INPP5A: variants seen among roughly 807,000 people sequenced by gnomAD.
The protein encoded by INPP5A is inositol polyphosphate-5-phosphatase A.
A neutral mutation model predicts 65.2 loss-of-function variants in INPP5A; 14 were observed. That is an observed-to-expected ratio of 0.21 (90% confidence interval 0.14 to 0.34). INPP5A has a LOEUF of 0.34. INPP5A is among the 10% of genes least tolerant of loss of function. The pLI, the probability that INPP5A is intolerant of heterozygous loss-of-function variation, is 1.00. For synonymous variants in INPP5A, 207 were observed against 208.3 expected (o/e 0.99, Z 0.05); for missense variants, 431 against 545.6 (o/e 0.79, Z 2.09).
chr10:132,621,861 C>A (rs1392731841), intron 2 of INPP5A, among the ~76,000 whole-genome samples: 1 of 151,574 alleles, frequency 6.6e-6, no homozygotes, highest in Non-Finnish European at 1.5e-5. Context: ...TCACGCAATT[C>A]CTAGCTTAAC....
chr10:132,726,875 C>T lies in INPP5A; in HGVS notation c.702C>T (p.Asn234=), dbSNP rs1212888323. ...KVSYFVFGDF[N]FRLDSKSVVE... ...CCTACTTTGTATTTGGTGATTTCAA[C>T]TTCCGGCTGGATTCCAAGTCCGTCG... is the stretch of plus-strand genomic sequence containing the variant. Residue 234 remains asparagine (N), a synonymous_variant, in exon 9 of 16, where the codon AAC becomes AAT. Coordinates refer to ENST00000368594, the MANE Select transcript of INPP5A (RefSeq NM_005539.5). 4 of 1,610,528 alleles carry T rather than the reference C, an allele frequency of 2.5e-6. No homozygotes were observed. The highest frequency in any genetic ancestry group is 3.4e-6 in the Non-Finnish European group (4 of 1,177,302).
chr10:132,619,399 G>A (rs748129226), intron 2 of INPP5A, among the ~76,000 whole-genome samples: 1 of 152,224 alleles, frequency 6.6e-6, no homozygotes, highest in Non-Finnish European at 1.5e-5. Context: ...GCCTTGACCA[G>A]CTCTGCCCCT....
chr10:132,713,035 CGTGT>C (rs751233772), intron 8 of INPP5A, among the ~76,000 whole-genome samples: 15 of 148,052 alleles, frequency 1.0e-4, no homozygotes, highest in African/African-American at 2.3e-4. Context: ...TGTATGTGTG[CGTGT>C]GTGTGGGTGT....
At chr10:132,747,426 T>C (rs1846390186) in intron 9 of INPP5A, among the ~76,000 whole-genome samples, 1 of 152,284 alleles carries the variant, frequency 6.6e-6, no homozygotes, top group Non-Finnish European at 1.5e-5. Flanking sequence ...GGCCGCCTCC[T>C]GGCCCAGGCT....
rs568844809 is a variant in INPP5A, at chr10:132,571,698, T to C, written c.75+33527T>C. ...GGCAGACCTGTCATCCCCGCAGCCC[T>C]GACGTGCGTGCTGTAAGGACCTCGA... On this transcript the variant is annotated intron_variant, in intron 1 of 15. Coordinates refer to ENST00000368594, the MANE Select transcript of INPP5A (RefSeq NM_005539.5). Among the ~76,000 whole-genome samples the C allele has an allele frequency of 5.9e-5, 9 of 152,376 alleles. No individual in the cohort carries two copies. In the South Asian group the frequency reaches 1.9e-3, roughly 32 times the overall value.
intron 1 of INPP5A, among the ~76,000 whole-genome samples, chr10:132,561,182 C>T (rs988741081): frequency 6.6e-5 from 10 of 151,744 alleles, no homozygotes; most frequent in African/African-American, 2.2e-4. Context: ...CCCACCCCAG[C>T]CTCTGGAATA....
At chr10:132,686,192 C>T (rs1391959331) in intron 4 of INPP5A, among the ~76,000 whole-genome samples, 1 of 152,190 alleles carries the variant, frequency 6.6e-6, no homozygotes, top group Admixed American at 6.5e-5. Flanking sequence ...CTTTTCGGTG[C>T]CCCAGGGGCT....
Position 132,732,859 on chromosome 10 carries a change from C to T in INPP5A, c.732+5954C>T, listed in dbSNP as rs530712475. Among the ~76,000 whole-genome samples the T allele has an allele frequency of 3.9e-5, 6 of 152,256 alleles. No individual in the cohort carries two copies. The South Asian group carries it at 1.0e-3, about 26-fold the overall frequency. On this transcript the variant is annotated intron_variant, in intron 9 of 15. Transcript: ENST00000368594. ...TGCTCATCTGTTGACGTGGAATGTG[C>T]GTGCCAGGTGGATCCCTCCCGCGCA... is the stretch of plus-strand genomic sequence containing the variant.
intron 12 of INPP5A, 23 bp from the exon 13 acceptor site, chr10:132,777,648 C>G (rs754435001): frequency 4.4e-6 from 7 of 1,607,108 alleles, no homozygotes; most frequent in Non-Finnish European, 1.7e-6. Context: ...GCCGGCTGAC[C>G]CTCTGCCTTC....
At chr10:132,742,721 C>T (rs1846296853) in intron 9 of INPP5A, among the ~76,000 whole-genome samples, 1 of 152,246 alleles carries the variant, frequency 6.6e-6, no homozygotes, top group Non-Finnish European at 1.5e-5. Context: ...CCGATGCTTC[C>T]TTCCCGGGGT....
At chr10:132,628,717 C>T (rs2072227052) in intron 2 of INPP5A, among the ~76,000 whole-genome samples, 1 of 152,130 alleles carries the variant, frequency 6.6e-6, no homozygotes, top group Admixed American at 6.5e-5. Context: ...TTATAAAGAA[C>T]TCTTATAAAT....
intron 2 of INPP5A, among the ~76,000 whole-genome samples, chr10:132,626,695 T>G (rs184327595): frequency 3.8e-4 from 58 of 152,340 alleles, no homozygotes; most frequent in African/African-American, 1.4e-3. Context: ...TTAGATTCTT[T>G]ACAGACAGAT....
intron 9 of INPP5A, among the ~76,000 whole-genome samples, chr10:132,746,173 C>G (rs1408749318): frequency 6.6e-6 from 1 of 152,234 alleles, no homozygotes; most frequent in African/African-American, 2.4e-5. Context: ...GAGTGGAGCC[C>G]AGGCGCCTGC....
At chr10:132,652,594 C>T (rs369993321) in intron 4 of INPP5A, among the ~76,000 whole-genome samples, 3 of 152,242 alleles carry the variant, frequency 2.0e-5, no homozygotes, top group South Asian at 2.1e-4. Flanking sequence ...CCCGTCTCTG[C>T]GTGCTGCCCT....
Position 132,705,791 on chromosome 10 carries a change from C to T in INPP5A, c.475-2522C>T, listed in dbSNP as rs1441409616. Among the ~76,000 whole-genome samples the T allele has an allele frequency of 2.0e-5, 3 of 152,102 alleles. No individual in the cohort carries two copies. The highest frequency in any genetic ancestry group is 4.4e-5 in the Non-Finnish European group (3 of 68,028). On this transcript the variant is annotated intron_variant, in intron 6 of 15. Coordinates refer to ENST00000368594, the MANE Select transcript of INPP5A (RefSeq NM_005539.5). This position sits in a 1 kb window ranked among gnomAD's most constrained non-coding sequence, Gnocchi z 4.9. ...CTCAGTATCACTGGGGAGCAGAGAG[C>T]CCAGACCTTTTACAATGCTGGGTGG...
In INPP5A at chr10:132,593,047, C is replaced by T. The variant is rs143200475; in HGVS notation, c.76-14868C>T. Among the ~76,000 whole-genome samples the T allele has an allele frequency of 3.8e-4, 58 of 152,310 alleles. 1 individual carries two copies. The highest frequency in any genetic ancestry group is 1.4e-3 in the African/African-American group (58 of 41,566). ...TTGTAGGACTCACAGCTTCTTGTGC[C>T]AGAGCCTATCGGGGAGAGACTGCCC... is the stretch of plus-strand genomic sequence containing the variant. On this transcript the variant is annotated intron_variant, in intron 1 of 15. Transcript: ENST00000368594.
rs1210964290 is a variant in INPP5A, at chr10:132,616,230, G to A, written c.117+8274G>A. Among the ~76,000 whole-genome samples the A allele has an allele frequency of 1.3e-5, 2 of 152,204 alleles. No individual in the cohort carries two copies. Among genetic ancestry groups the A allele is most frequent in the African/African-American group, 2.4e-5 (1 of 41,448 alleles). ...AAAGAACCACAGGGTGGCGTGGGAG[G>A]CAGCTGCAGTGGGAGGTGCCTGTGC... On this transcript the variant is annotated intron_variant, in intron 2 of 15. Transcript: ENST00000368594. The surrounding 1 kb of genome is among the most constrained non-coding windows in gnomAD (Gnocchi z 4.9).
chr10:132,575,162 GC>G lies in INPP5A; in HGVS notation c.76-32752del, dbSNP rs1310503893. 6.6e-6 allele frequency among the ~76,000 whole-genome samples: 1 copy of G among 152,220 alleles called. No homozygotes were observed. Among genetic ancestry groups the G allele is most frequent in the Non-Finnish European group, 1.5e-5 (1 of 68,052 alleles). Reference sequence around the variant, plus strand: ...TCCAGCCGCTGGGACTCTGTTGAATGCTGCATTCTTCCTCCGCAGGCTGGCG... The same window carrying G: ...TCCAGCCGCTGGGACTCTGTTGAATGTGCATTCTTCCTCCGCAGGCTGGCG... On this transcript the variant is annotated intron_variant, in intron 1 of 15. Transcript: ENST00000368594. This position sits in a 1 kb window ranked among gnomAD's most constrained non-coding sequence, Gnocchi z 5.4.
At chr10:132,766,065 T>A (rs1258487565) in intron 12 of INPP5A, among the ~76,000 whole-genome samples, 1 of 151,234 alleles carries the variant, frequency 6.6e-6, no homozygotes, top group East Asian at 1.9e-4. Flanking sequence ...CGTATGCGTC[T>A]GTGTGTGTGC....
Sources: allele counts gnomAD v4.1 joint callset (sites outside exome capture counted in the v4.1 genomes callset), GRCh38; gene constraint gnomAD v4.1.1; non-coding constraint Gnocchi (gnomAD v3.1); transcripts MANE v1.5; gene names NCBI Gene and HGNC (gene_info 2026-07-23, HGNC 2026-07-21).